Variants in C5orf24 observed in about 807,000 individuals in gnomAD.
C5orf24 encodes chromosome 5 open reading frame 24.
In C5orf24, 4 loss-of-function variants were observed where a neutral mutation model predicts 9.8. The ratio of observed to expected loss-of-function variants is 0.41; its 90% CI spans 0.20 to 0.93. The LOEUF is 0.93. Ranked by LOEUF, C5orf24 falls within the 40% of genes least tolerant of loss-of-function variation. The pLI is 0.33. For missense variants in C5orf24, 170 were observed against 236.9 expected, an observed-to-expected ratio of 0.72 and a Z score of 1.85; for synonymous variants, 73 against 81.3, an observed-to-expected ratio of 0.90 and a Z score of 0.55.
At chr5:134,854,021 A>G (rs966741200) in intron 1 of C5orf24, among the ~76,000 whole-genome samples, 3 of 152,194 alleles carry the variant, frequency 2.0e-5, no homozygotes, top group African/African-American at 4.8e-5. Flanking sequence ...CGGAAGTTGC[A>G]GTGAGCTGAG....
At chr5:134,845,857 G>C (rs1755973887), upstream of C5orf24, 2 of 152,348 alleles carry the variant, frequency 1.3e-5, no homozygotes, top group Non-Finnish European at 2.9e-5. Flanking sequence ...CAGCCTGCCA[G>C]CCTGGCTCCC....
the C5orf24 span, among the ~76,000 whole-genome samples, chr5:134,839,905 A>G: frequency 6.6e-6 from 1 of 152,020 alleles, no homozygotes; most frequent in East Asian, 1.9e-4. Flanking sequence ...CATGTTGGTC[A>G]AGCTGGTCTC....
upstream of C5orf24, among the ~76,000 whole-genome samples, chr5:134,840,986 G>T (rs1417524814): frequency 6.6e-6 from 1 of 152,122 alleles, no homozygotes; most frequent in Non-Finnish European, 1.5e-5. Context: ...AAATCACATT[G>T]TTAGACTATC....
Position 134,858,130 on chromosome 5 carries a change from A to G in C5orf24, c.*2663A>G, listed in dbSNP as rs564435043. On this transcript the variant is annotated 3_prime_UTR_variant, in exon 2 of 2. Coordinates refer to ENST00000394976, the MANE Select transcript of C5orf24 (RefSeq NM_001135586.1). ...AGCAGCTATGTCCCAGGAAAAAAAA[A>G]TGGGAGGGGCAAATGGCTACAGTTG... is the stretch of plus-strand genomic sequence containing the variant. 1 of 167,218 alleles carries G rather than the reference A, an allele frequency of 6.0e-6. No individual in the cohort carries two copies. Among genetic ancestry groups the G allele is most frequent in the East Asian group, 1.9e-4 (1 of 5,192 alleles). The allele number at this position is 167,218 out of a possible 1,614,324, so 10.4% of individuals were successfully genotyped here.
Position 134,859,106 on chromosome 5 carries a change from A to T in C5orf24, c.*3639A>T, listed in dbSNP as rs551734550. On this transcript the variant is annotated 3_prime_UTR_variant, in exon 2 of 2. Coordinates refer to ENST00000394976, the MANE Select transcript of C5orf24 (RefSeq NM_001135586.1). ...CATAGTGTGTGAGCTAAAGAAAAAA[A>T]AAAGTAAATTTCTCCTTTATATTCT... is the stretch of plus-strand genomic sequence containing the variant. The T allele has an allele frequency of 6.0e-6, 1 of 167,034 alleles. No individual in the cohort carries two copies. Among genetic ancestry groups the T allele is most frequent in the Non-Finnish European group, 1.5e-5 (1 of 68,026 alleles). 10.3% of individuals were successfully genotyped at this position (167,034 alleles called of 1,614,324 possible). A position where few individuals can be genotyped will look rare whatever the true frequency, so the allele number is the denominator to read the frequency against.
chr5:134,850,553 A>G (rs1457216217), intron 1 of C5orf24, among the ~76,000 whole-genome samples: 2 of 149,668 alleles, frequency 1.3e-5, no homozygotes, highest in Admixed American at 6.7e-5. Flanking sequence ...GCTCATTGCA[A>G]CCTCCACCTT....
intron 1 of C5orf24, among the ~76,000 whole-genome samples, chr5:134,853,360 TAAA>T (rs397884485): frequency 1.7e-4 from 13 of 76,992 alleles, no homozygotes; most frequent in Non-Finnish European, 2.4e-4. Flanking sequence ...AAACTCCACC[TAAA>T]AAAAAAAAAA....
chr5:134,849,147 T>G (rs995389089), intron 1 of C5orf24, among the ~76,000 whole-genome samples: 1 of 143,434 alleles, frequency 7.0e-6, no homozygotes, highest in Non-Finnish European at 1.5e-5. Context: ...CCCAGCTACT[T>G]CGGAGGCTGA....
At position 134,857,732 on chromosome 5, in the gene C5orf24, ATGT is replaced by A; in HGVS notation, c.*2267_*2269del. The A allele has an allele frequency of 4.4e-6, 1 of 227,684 alleles. No homozygotes were observed. Among genetic ancestry groups the A allele is most frequent in the Non-Finnish European group, 9.2e-6 (1 of 109,058 alleles). The allele number at this position is 227,684 out of a possible 1,614,324, so 14.1% of individuals were successfully genotyped here. A position where few individuals can be genotyped will look rare whatever the true frequency, so the allele number is the denominator to read the frequency against. The stretch of plus-strand genomic sequence containing the variant: ...TGTCATTTAGCTGTTTCTCAAGATG[ATGT>A]TCAGCAGTTGGCTGCTTAGAAATCT... On this transcript the variant is annotated 3_prime_UTR_variant, in exon 2 of 2. Transcript: ENST00000394976.
At chr5:134,846,371 G>C (rs1239480732) in intron 1 of C5orf24, 159 bp downstream of exon 1, 1 of 152,282 alleles carries the variant, frequency 6.6e-6, no homozygotes, top group Non-Finnish European at 1.5e-5. Context: ...GCTCTTCCCC[G>C]GTGTGGAGCC....
the C5orf24 span, among the ~76,000 whole-genome samples, chr5:134,834,921 G>A: frequency 6.6e-6 from 1 of 152,156 alleles, no homozygotes; most frequent in South Asian, 2.1e-4. Flanking sequence ...GCATGTGCCT[G>A]TAGTCCCAGC....
the C5orf24 span, among the ~76,000 whole-genome samples, chr5:134,836,570 G>T: frequency 6.6e-6 from 1 of 151,906 alleles, no homozygotes; most frequent in African/African-American, 2.4e-5. Context: ...TTGAGATGGA[G>T]TCTCACTCTG....
the C5orf24 span, among the ~76,000 whole-genome samples, chr5:134,834,775 G>A: frequency 1.3e-5 from 2 of 151,940 alleles, no homozygotes; most frequent in Non-Finnish European, 1.5e-5. Context: ...GGCCAGGCAC[G>A]GTAGCTCACT....
chr5:134,854,012 G>A (rs549258412), intron 1 of C5orf24, among the ~76,000 whole-genome samples: 5 of 152,186 alleles, frequency 3.3e-5, no homozygotes, highest in African/African-American at 4.8e-5. Flanking sequence ...CCCAGGAGGC[G>A]GAAGTTGCAG....
In C5orf24 at chr5:134,850,937, T is replaced by TATATATACACAC. The variant is rs762710710; in HGVS notation, c.-3-3960_-3-3959insTATATACACACA. ...GAATGTTCATATATATATATATATA[T>TATATATACACAC]ACACACACACACACACACTACACAC... On this transcript the variant is annotated intron_variant, in intron 1 of 1. Transcript: ENST00000394976. Among the ~76,000 whole-genome samples the TATATATACACAC allele has an allele frequency of 6.6e-3, 974 of 147,036 alleles. 8 individuals carry two copies. Among genetic ancestry groups the TATATATACACAC allele is most frequent in the East Asian group, 0.033 (169 of 5,108 alleles).
chr5:134,837,901 G>A, the C5orf24 span, among the ~76,000 whole-genome samples: 1 of 152,266 alleles, frequency 6.6e-6, no homozygotes, highest in East Asian at 1.9e-4. Flanking sequence ...TTACTGATAA[G>A]TTAAAATGTA....
At chr5:134,841,362 G>A (rs915005347), upstream of C5orf24, among the ~76,000 whole-genome samples, 5 of 151,918 alleles carry the variant, frequency 3.3e-5, no homozygotes. Context: ...GGCTGAAGTG[G>A]GCAGATCACC....
At chr5:134,843,174 G>A (rs914672279), upstream of C5orf24, among the ~76,000 whole-genome samples, 7 of 151,850 alleles carry the variant, frequency 4.6e-5, no homozygotes, top group Admixed American at 6.6e-5. Flanking sequence ...ACGAGGTTTC[G>A]TCATGTTGGC....
chr5:134,853,117 A>G (rs891167061), intron 1 of C5orf24, among the ~76,000 whole-genome samples: 1 of 152,060 alleles, frequency 6.6e-6, no homozygotes, highest in Non-Finnish European at 1.5e-5. Flanking sequence ...GTGAGCTGAG[A>G]TCGCGCTACT....
Sources: allele counts gnomAD v4.1 joint callset (sites outside exome capture counted in the v4.1 genomes callset), GRCh38; gene constraint gnomAD v4.1.1; transcripts MANE v1.5; gene names NCBI Gene and HGNC (gene_info 2026-07-23, HGNC 2026-07-21).